MAP2K6: variants seen among roughly 807,000 people sequenced by gnomAD.
MAP2K6 encodes mitogen-activated protein kinase kinase 6.
MAP2K6 carries 16 observed loss-of-function variants against 53.7 expected under a neutral mutation model. The observed-to-expected ratio is 0.30, with a 90% CI of 0.20 to 0.45. The LOEUF (loss-of-function observed/expected upper bound fraction) is 0.45, where lower values mean the gene tolerates loss of function less well. Ranked by LOEUF, MAP2K6 falls within the 20% of genes least tolerant of loss-of-function variation. The pLI is 1.00. For missense variants in MAP2K6, 204 were observed against 411.9 expected, an observed-to-expected ratio of 0.50 and a Z score of 4.37; for synonymous variants, 132 against 143.1, an observed-to-expected ratio of 0.92 and a Z score of 0.55.
intron 1 of MAP2K6, among the ~76,000 whole-genome samples, chr17:69,451,297 C>T (rs996276628): frequency 4.6e-5 from 7 of 152,180 alleles, no homozygotes; most frequent in Non-Finnish European, 1.0e-4. Flanking sequence ...GAAATATTTG[C>T]ACCGTGGAAA....
At chr17:69,469,013 C>T (rs993311050) in intron 1 of MAP2K6, among the ~76,000 whole-genome samples, 8 of 152,280 alleles carry the variant, frequency 5.3e-5, no homozygotes, top group South Asian at 4.1e-4. Flanking sequence ...GGGCAAGAAT[C>T]GTGTTACAGA....
At chr17:69,491,002 A>C (rs1021988089) in intron 1 of MAP2K6, among the ~76,000 whole-genome samples, 2 of 152,206 alleles carry the variant, frequency 1.3e-5, no homozygotes, top group South Asian at 4.1e-4. Context: ...TAGTTTGCTA[A>C]AGATAATATC....
At chr17:69,480,935 A>C (rs1548443) in intron 1 of MAP2K6, among the ~76,000 whole-genome samples, 78,103 of 151,474 alleles carry the variant, frequency 0.52, 21,380 homozygotes, top group African/African-American at 0.71. Flanking sequence ...TTTAGATGAA[A>C]TGTGAAATGA....
At chr17:69,524,773 G>A in intron 8 of MAP2K6, 128 bp from the exon 9 acceptor site, 1 of 581,762 alleles carries the variant, frequency 1.7e-6, no homozygotes, top group Non-Finnish European at 3.2e-6. Context: ...TCTTGGCCTT[G>A]GTGGCATGTT....
intron 1 of MAP2K6, among the ~76,000 whole-genome samples, chr17:69,484,402 C>T (rs1187734610): frequency 6.6e-6 from 1 of 151,434 alleles, no homozygotes; most frequent in Non-Finnish European, 1.5e-5. Flanking sequence ...TCTAGGATGA[C>T]AATTGTAACA....
intron 1 of MAP2K6, among the ~76,000 whole-genome samples, chr17:69,498,857 T>C (rs1412046495): frequency 6.6e-6 from 1 of 152,032 alleles, no homozygotes; most frequent in Non-Finnish European, 1.5e-5. Context: ...TGTGGGCAAA[T>C]GTCTGCATGG....
chr17:69,480,081 T>C (rs996762475), intron 1 of MAP2K6, among the ~76,000 whole-genome samples: 20 of 152,012 alleles, frequency 1.3e-4, no homozygotes, highest in Admixed American at 5.2e-4. Context: ...CCAGGTTGAA[T>C]TTTTTTTATT....
chr17:69,431,790 G>A (rs1489345775), intron 1 of MAP2K6, among the ~76,000 whole-genome samples: 1 of 152,146 alleles, frequency 6.6e-6, no homozygotes, highest in African/African-American at 2.4e-5. Context: ...CATGCACATA[G>A]TTTAAAAGAC....
In MAP2K6 at chr17:69,538,316, C is replaced by G. The variant is rs187330591; in HGVS notation, c.927+2156C>G. On this transcript the variant is annotated intron_variant, in intron 11 of 11. Coordinates refer to ENST00000590474, the MANE Select transcript of MAP2K6 (RefSeq NM_002758.4). ...AAGAATGCTTAATATACATGGGCAG[C>G]TGATGTCAAATTCTACATTTGTAAT... Among the ~76,000 whole-genome samples the G allele has an allele frequency of 1.9e-3, 289 of 152,348 alleles. 2 individuals carry two copies. The highest frequency in any genetic ancestry group is 0.01 in the Middle Eastern group (3 of 294).
rs193128623 is a variant in MAP2K6, at chr17:69,471,861, A to G, written c.17-33919A>G. ...GTATTGTCAGTACTTGACACAAAAT[A>G]TAAAGCCTGTAGAAAGTATTAAAAT... On this transcript the variant is annotated intron_variant, in intron 1 of 11. Coordinates refer to ENST00000590474, the MANE Select transcript of MAP2K6 (RefSeq NM_002758.4). 1.3e-3 allele frequency among the ~76,000 whole-genome samples: 196 copies of G among 152,352 alleles called. No individual in the cohort carries two copies. The Middle Eastern group carries it at 0.017, about 13-fold the overall frequency.
intron 2 of MAP2K6, among the ~76,000 whole-genome samples, chr17:69,516,529 C>G (rs572047759): frequency 1.4e-4 from 22 of 152,064 alleles, no homozygotes; most frequent in Admixed American, 9.2e-4. Context: ...ATAGCTCATA[C>G]GAATTAGATA....
At position 69,548,243 on chromosome 17, in the gene MAP2K6, T is replaced by G. The variant is rs1911952250; in HGVS notation, c.*6490T>G. The G allele has an allele frequency of 6.6e-6, 1 of 152,188 alleles. No individual in the cohort carries two copies. Among genetic ancestry groups the G allele is most frequent in the Admixed American group, 6.5e-5 (1 of 15,272 alleles). 9.4% of individuals were successfully genotyped at this position (152,188 alleles called of 1,614,324 possible). On this transcript the variant is annotated 3_prime_UTR_variant, in exon 12 of 12. Coordinates refer to ENST00000590474, the MANE Select transcript of MAP2K6 (RefSeq NM_002758.4). The stretch of plus-strand genomic sequence containing the variant: ...GGGCCTATGCAAAATGCCTCCTTTC[T>G]GATGTGATTTTCTTGGGTTGCTGGC...
chr17:69,494,741 C>T lies in MAP2K6; in HGVS notation c.17-11039C>T, dbSNP rs1180213686. Among the ~76,000 whole-genome samples the T allele has an allele frequency of 1.3e-5, 2 of 152,050 alleles. No individual in the cohort carries two copies. Among genetic ancestry groups the T allele is most frequent in the South Asian group, 2.1e-4 (1 of 4,818 alleles). Reference sequence around the variant, plus strand: ...AAATTGTGGGCCGGGCGTGGTGGCTCATGCCTGTAATCCCAGCACTTTGGG... The same window carrying T: ...AAATTGTGGGCCGGGCGTGGTGGCTTATGCCTGTAATCCCAGCACTTTGGG... On this transcript the variant is annotated intron_variant, in intron 1 of 11. Coordinates refer to ENST00000590474, the MANE Select transcript of MAP2K6 (RefSeq NM_002758.4). This position sits in a 1 kb window ranked among gnomAD's most constrained non-coding sequence, Gnocchi z 4.2.
chr17:69,427,021 A>G (rs1906294604), intron 1 of MAP2K6, among the ~76,000 whole-genome samples: 1 of 152,226 alleles, frequency 6.6e-6, no homozygotes, highest in Non-Finnish European at 1.5e-5. Flanking sequence ...TTAAACAAGT[A>G]TATCATATCA....
rs1910335030 is a variant in MAP2K6, at chr17:69,519,172, G to A, written c.247-141G>A. On this transcript the variant is annotated intron_variant, in intron 4 of 11. Coordinates refer to ENST00000590474, the MANE Select transcript of MAP2K6 (RefSeq NM_002758.4). ...TCCTTATTTTCATGTGTTACAAATA[G>A]CTAATCACTTTGGGTGGCTATTCAC... 3 of 813,382 alleles carry A rather than the reference G, an allele frequency of 3.7e-6. No homozygotes were observed. The East Asian group carries it at 8.0e-5, about 22-fold the overall frequency. The allele number at this position is 813,382 out of a possible 1,614,324, so 50.4% of individuals were successfully genotyped here. A position where few individuals can be genotyped will look rare whatever the true frequency, so the allele number is the denominator to read the frequency against.
intron 1 of MAP2K6, among the ~76,000 whole-genome samples, chr17:69,488,570 C>A (rs1908632438): frequency 6.6e-6 from 1 of 152,084 alleles, no homozygotes; most frequent in South Asian, 2.1e-4. Flanking sequence ...TACATATACA[C>A]CGTGAAATAC....
intron 1 of MAP2K6, among the ~76,000 whole-genome samples, chr17:69,496,062 C>T (rs981611340): frequency 6.6e-6 from 1 of 151,518 alleles, no homozygotes; most frequent in Non-Finnish European, 1.5e-5. Flanking sequence ...GTTAACATGA[C>T]ATAAAAGGTC....
chr17:69,417,010 G>T (rs1905929270), intron 1 of MAP2K6, among the ~76,000 whole-genome samples: 1 of 152,202 alleles, frequency 6.6e-6, no homozygotes, highest in Non-Finnish European at 1.5e-5. Flanking sequence ...AATGGATCAG[G>T]TACTGGTGGT....
intron 1 of MAP2K6, among the ~76,000 whole-genome samples, chr17:69,443,718 G>T (rs372288689): frequency 6.6e-6 from 1 of 152,134 alleles, no homozygotes; most frequent in African/African-American, 2.4e-5. Context: ...TCTCAAAACC[G>T]AGGGAAGCAC....
Sources: gnomAD v4.1 joint callset for allele counts (sites outside exome capture counted in the v4.1 genomes callset) on GRCh38, gnomAD v4.1.1 for gene constraint, Gnocchi (gnomAD v3.1) non-coding constraint, MANE v1.5 for transcripts, NCBI Gene and HGNC (gene_info 2026-07-23, HGNC 2026-07-21) for gene names.